CCDC30: variants seen among roughly 807,000 people sequenced by gnomAD.
CCDC30 encodes the protein coiled-coil domain containing 30.
In CCDC30, 70 loss-of-function variants were observed where a neutral mutation model predicts 100.2. That is an observed-to-expected ratio of 0.70 (90% CI 0.58 to 0.85). CCDC30 has a LOEUF of 0.85. Among genes scored for constraint, CCDC30 ranks in the 40% least tolerant of loss-of-function variants. The pLI, the probability that CCDC30 is intolerant of heterozygous loss-of-function variation, is 0.00. For missense variants in CCDC30, 652 were observed against 771.2 expected, an observed-to-expected ratio of 0.85 and a Z score of 1.83; for synonymous variants, 233 against 269.5, an observed-to-expected ratio of 0.86 and a Z score of 1.33.
upstream of CCDC30, among the ~76,000 whole-genome samples, chr1:42,461,272 T>C (rs150289428): frequency 1.9e-3 from 291 of 152,344 alleles, no homozygotes; most frequent in African/African-American, 6.6e-3. Context: ...TCAGGAAATG[T>C]GACCTTGAAC....
intron 6 of CCDC30, among the ~76,000 whole-genome samples, chr1:42,514,388 A>G (rs1268438703): frequency 3.3e-5 from 5 of 152,246 alleles, no homozygotes; most frequent in Non-Finnish European, 7.4e-5. Context: ...CAGTTTCTCC[A>G]TATCTTCTCC....
At chr1:42,458,975 G>C (rs1286637538), upstream of CCDC30, among the ~76,000 whole-genome samples, 1 of 152,178 alleles carries the variant, frequency 6.6e-6, no homozygotes, top group African/African-American at 2.4e-5. Context: ...TGTATGAACA[G>C]ATTATTTGTA....
At position 42,483,799 on chromosome 1, in the gene CCDC30, T is replaced by C. The variant is rs112163321; in HGVS notation, c.169+983T>C. ...TGTTGTTGTTATTGTTTTTTTACCA[T>C]AAATGCTAATATTCATCAAGTTGGG... On this transcript the variant is annotated intron_variant, in intron 3 of 16. Transcript: ENST00000668663. Among the ~76,000 whole-genome samples, 922 of 152,236 alleles carry C rather than the reference T, an allele frequency of 6.1e-3. 6 individuals are homozygous for C. Among genetic ancestry groups the C allele is most frequent in the African/African-American group, 0.021 (861 of 41,568 alleles).
At chr1:42,460,586 T>C (rs1048495365), upstream of CCDC30, among the ~76,000 whole-genome samples, 1 of 152,192 alleles carries the variant, frequency 6.6e-6, no homozygotes, top group Non-Finnish European at 1.5e-5. Context: ...TAGGACTGCT[T>C]TTCAGTTTAA....
At chr1:42,543,046 T>C (rs545282526) in intron 6 of CCDC30, among the ~76,000 whole-genome samples, 89 of 152,266 alleles carry the variant, frequency 5.8e-4, no homozygotes, top group Non-Finnish European at 2.4e-4. Context: ...AAAATTGTCT[T>C]TTACGTTCCT....
At chr1:42,484,669 A>G (rs138396711) in intron 3 of CCDC30, among the ~76,000 whole-genome samples, 2 of 152,282 alleles carry the variant, frequency 1.3e-5, no homozygotes, top group Admixed American at 1.3e-4. Flanking sequence ...ATTTGTAGCT[A>G]GGCATGTGTT....
At chr1:42,465,293 A>C (rs1312623067) in intron 1 of CCDC30, among the ~76,000 whole-genome samples, 1 of 152,224 alleles carries the variant, frequency 6.6e-6, no homozygotes, top group Non-Finnish European at 1.5e-5. Context: ...CCTGGGCTAC[A>C]GAGTGAGACC....
At chr1:42,474,147 T>G (rs1277742304) in intron 1 of CCDC30, among the ~76,000 whole-genome samples, 1 of 152,172 alleles carries the variant, frequency 6.6e-6, no homozygotes, top group Non-Finnish European at 1.5e-5. Flanking sequence ...CAATCCAATC[T>G]CCAAATTCTA....
intron 11 of CCDC30, among the ~76,000 whole-genome samples, chr1:42,612,810 G>C (rs1012029877): frequency 2.0e-5 from 3 of 151,968 alleles, no homozygotes; most frequent in Non-Finnish European, 2.9e-5. Context: ...AAACAGTTTA[G>C]GTTAATCCTA....
rs199672720 is a variant in CCDC30, at chr1:42,545,368, A to T, written c.457-20928A>T. ...ACTTTTTTTCACAGCTATAAATAAA[A>T]GTATGCAAAATAGAATATTTGTCTT... On this transcript the variant is annotated intron_variant, in intron 6 of 16. Coordinates refer to ENST00000668663, the Ensembl canonical transcript of CCDC30. 3.7e-5 allele frequency: 55 copies of T among 1,476,932 alleles called. No individual in the cohort carries two copies. The African/African-American group carries it at 7.2e-4, about 19-fold the overall frequency. The allele number at this position is 1,476,932 out of a possible 1,614,324, so 91.5% of individuals were successfully genotyped here.
intron 6 of CCDC30, among the ~76,000 whole-genome samples, chr1:42,538,343 A>AG (rs1644948615): frequency 6.6e-6 from 1 of 151,874 alleles, no homozygotes; most frequent in Admixed American, 6.6e-5. Context: ...AAAGAAAAAA[A>AG]AAAGAGAAAG....
intron 6 of CCDC30, among the ~76,000 whole-genome samples, chr1:42,520,262 CTTT>C (rs1644617098): frequency 7.1e-6 from 1 of 140,614 alleles, no homozygotes; most frequent in Admixed American, 7.1e-5. Flanking sequence ...CTTCACTTTG[CTTT>C]TTCTGTATCT....
chr1:42,537,386 C>G, intron 6 of CCDC30: 1 of 374,960 alleles, frequency 2.7e-6, no homozygotes, highest in Non-Finnish European at 5.2e-6. Flanking sequence ...TAATGACCTA[C>G]AGGAATTTTC....
chr1:42,495,298 T>C (rs1360607676), intron 4 of CCDC30, among the ~76,000 whole-genome samples: 5 of 151,878 alleles, frequency 3.3e-5, no homozygotes, highest in Non-Finnish European at 7.4e-5. Flanking sequence ...TAGGTGGGAA[T>C]TGAACAGTGA....
intron 11 of CCDC30, among the ~76,000 whole-genome samples, chr1:42,621,972 A>T (rs922239528): frequency 2.0e-5 from 3 of 152,174 alleles, no homozygotes; most frequent in African/African-American, 7.2e-5. Context: ...TTTTAAATGT[A>T]CAATCTAAAA....
chr1:42,563,416 T>C (rs1645536532), intron 6 of CCDC30, among the ~76,000 whole-genome samples: 2 of 150,774 alleles, frequency 1.3e-5, no homozygotes, highest in South Asian at 4.2e-4. Flanking sequence ...TGAGAATACA[T>C]CGACACAGAG....
At chr1:42,503,058 A>AT (rs1386422024) in intron 6 of CCDC30, among the ~76,000 whole-genome samples, 10 of 151,968 alleles carry the variant, frequency 6.6e-5, no homozygotes, top group East Asian at 1.9e-4. Context: ...AATTTTTGTG[A>AT]TTTTTTAGTA....
At chr1:42,511,979 A>T (rs1435609641) in intron 6 of CCDC30, among the ~76,000 whole-genome samples, 1 of 152,236 alleles carries the variant, frequency 6.6e-6, no homozygotes, top group South Asian at 2.1e-4. Flanking sequence ...ATTTACCCAC[A>T]TATTTATTGA....
chr1:42,501,290 T>C (rs1644308051), intron 6 of CCDC30, among the ~76,000 whole-genome samples: 1 of 152,244 alleles, frequency 6.6e-6, no homozygotes, highest in Non-Finnish European at 1.5e-5. Context: ...AGTTATTTCC[T>C]TATGGATTAA....
Sources: allele counts gnomAD v4.1 joint callset (sites outside exome capture counted in the v4.1 genomes callset), GRCh38; gene constraint gnomAD v4.1.1; transcripts MANE v1.5; gene names NCBI Gene and HGNC (gene_info 2026-07-23, HGNC 2026-07-21).